The following CPM variants were observed in gnomAD, a reference collection of about 807,000 sequenced individuals.
The protein encoded by CPM is renal carboxypeptidase.
CPM carries 35 observed loss-of-function variants against 46.4 expected under a neutral mutation model. The observed-to-expected ratio is 0.75, with a 90% CI of 0.58 to 1.00. The LOEUF (loss-of-function observed/expected upper bound fraction) is 1.00, where lower values mean the gene tolerates loss of function less well. Among genes scored for constraint, CPM ranks in the 50% least tolerant of loss-of-function variants. The probability of loss-of-function intolerance (pLI) is 0.00; values close to 1 mark genes in which losing one functional copy is unlikely to be tolerated. For synonymous variants in CPM, 195 were observed against 195.3 expected (o/e 1.00, Z 0.01); for missense variants, 422 against 530.4 (o/e 0.80, Z 2.01).
intron 7 of CPM, among the ~76,000 whole-genome samples, chr12:68,860,167 T>C (rs1885146355): frequency 6.6e-6 from 1 of 152,240 alleles, no homozygotes; most frequent in African/African-American, 2.4e-5. Flanking sequence ...CCTTTTATTA[T>C]ACTTTCTGTC....
downstream of CPM, chr12:68,849,632 C>G (rs1884568265): frequency 6.6e-6 from 1 of 152,174 alleles, no homozygotes; most frequent in Non-Finnish European, 1.5e-5. Flanking sequence ...AACTCCTGAC[C>G]TTGTGATCTG....
At chr12:68,865,597 C>A (rs963943769) in intron 7 of CPM, among the ~76,000 whole-genome samples, 1 of 151,974 alleles carries the variant, frequency 6.6e-6, no homozygotes, top group Non-Finnish European at 1.5e-5. Context: ...TGCAGCAAAC[C>A]TTTTCAACAC....
At chr12:68,911,924 T>C (rs927994331) in intron 2 of CPM, 1 of 152,170 alleles carries the variant, frequency 6.6e-6, no homozygotes, top group Non-Finnish European at 1.5e-5. Context: ...CTTATTATAG[T>C]GTTACAGCTC....
Position 68,858,971 on chromosome 12 carries a change from T to G in CPM, c.1041A>C (p.Lys347Asn), listed in dbSNP as rs1321763506. The G allele has an allele frequency of 6.4e-6, 10 of 1,565,384 alleles. No individual in the cohort carries two copies. Among genetic ancestry groups the G allele is most frequent in the Non-Finnish European group, 8.7e-6 (10 of 1,154,922 alleles). The change falls in exon 8 of 9, where the codon AAA (lysine) becomes AAC (asparagine). Residue 347 changes from lysine to asparagine, a missense_variant. Lys to Asn is a moderately conservative substitution (Grantham distance 94). Transcript: ENST00000551568. The stretch of plus-strand genomic sequence containing the variant: ...AGAGAAGGAGATAATACTCTCCATA[T>G]TTGTTGGTTCTATAGGGGCAGATAT... ...RKHICPYRTN[K>N]YGEYYLLLLP... is the part of the protein sequence containing the mutation.
intron 2 of CPM, among the ~76,000 whole-genome samples, chr12:68,909,920 G>C (rs1276692770): frequency 1.3e-5 from 2 of 151,628 alleles, no homozygotes; most frequent in African/African-American, 4.9e-5. Flanking sequence ...AACCACCATG[G>C]CACATGTATA....
chr12:68,905,195 C>A (rs1385589306), intron 2 of CPM, among the ~76,000 whole-genome samples: 3 of 151,974 alleles, frequency 2.0e-5, no homozygotes, highest in African/African-American at 7.3e-5. Flanking sequence ...CAGGCGTGAA[C>A]TACCATACCC....
At chr12:68,909,921 C>T (rs1239080082) in intron 2 of CPM, among the ~76,000 whole-genome samples, 1 of 151,594 alleles carries the variant, frequency 6.6e-6, no homozygotes, top group Non-Finnish European at 1.5e-5. Flanking sequence ...ACCACCATGG[C>T]ACATGTATAC....
At chr12:68,954,027 T>G (rs1888975831) in intron 1 of CPM, among the ~76,000 whole-genome samples, 2 of 152,202 alleles carry the variant, frequency 1.3e-5, no homozygotes, top group Non-Finnish European at 2.9e-5. Flanking sequence ...CAATTGCTTT[T>G]ATTAGTTATT....
chr12:68,864,364 C>G (rs1437025751), intron 7 of CPM, among the ~76,000 whole-genome samples: 1 of 152,034 alleles, frequency 6.6e-6, no homozygotes, highest in Non-Finnish European at 1.5e-5. Flanking sequence ...ATCACATGAA[C>G]CTGGGAGGCG....
intron 2 of CPM, among the ~76,000 whole-genome samples, chr12:68,905,270 C>CT (rs1034445314): frequency 4.0e-5 from 6 of 151,278 alleles, no homozygotes; most frequent in African/African-American, 9.7e-5. Flanking sequence ...TCAGAGAAAT[C>CT]TTTTTTTTTC....
intron 2 of CPM, 69 bp downstream of exon 2, chr12:68,932,609 G>A: frequency 6.4e-7 from 1 of 1,563,752 alleles, no homozygotes; most frequent in East Asian, 2.3e-5. Context: ...CAGGAAGCTG[G>A]GGCATATTTA....
At chr12:68,895,028 C>CAAAAA (rs35142646) in intron 2 of CPM, among the ~76,000 whole-genome samples, 3 of 78,214 alleles carry the variant, frequency 3.8e-5, no homozygotes, top group African/African-American at 1.5e-4. Context: ...GACTCAGTCT[C>CAAAAA]AAAAAAAAAA....
chr12:68,934,605 C>T (rs1380731681), upstream of CPM, among the ~76,000 whole-genome samples: 1 of 152,000 alleles, frequency 6.6e-6, no homozygotes. Flanking sequence ...CATAGTATTC[C>T]GTGGTGTATA....
In CPM at chr12:68,960,471, T is replaced by C. The variant is rs549001248; in HGVS notation, c.-4+2698A>G. On this transcript the variant is annotated intron_variant, in intron 1 of 8. Transcript: ENST00000546373. The stretch of plus-strand genomic sequence containing the variant: ...GTGGATTCTAGTGTTAGTATTGCAG[T>C]GCTCTACAGCAAAATCAGTATGACC... Among the ~76,000 whole-genome samples, 81 of 152,352 alleles carry C rather than the reference T, an allele frequency of 5.3e-4. 1 individual carries two copies. Among genetic ancestry groups the C allele is most frequent in the Middle Eastern group, 3.4e-3 (1 of 294 alleles).
At chr12:68,872,055 G>A (rs1885725129) in intron 3 of CPM, 99 bp from the exon 4 acceptor site, 5 of 1,198,966 alleles carry the variant, frequency 4.2e-6, no homozygotes, top group African/African-American at 1.5e-5. Flanking sequence ...CTCTACACAT[G>A]ATATCTCAGA....
intron 1 of CPM, among the ~76,000 whole-genome samples, chr12:68,938,694 C>A (rs1251085230): frequency 1.3e-5 from 2 of 151,826 alleles, no homozygotes; most frequent in South Asian, 4.1e-4. Flanking sequence ...AAAAAGTATT[C>A]TCATACAAAT....
Position 68,896,534 on chromosome 12 carries a change from G to A in CPM, c.161-10645C>T, listed in dbSNP as rs1886883342. 2.0e-5 allele frequency among the ~76,000 whole-genome samples: 3 copies of A among 152,122 alleles called. No homozygotes were observed. The South Asian group carries it at 6.2e-4, about 31-fold the overall frequency. On this transcript the variant is annotated intron_variant, in intron 2 of 8. Transcript: ENST00000551568. ...CTCACTTGGAGTCCGAGTCACCTTTGGTCCGGGGATTAGATGAAACTGTTT... is the reference window on the plus strand; with the variant it reads ...CTCACTTGGAGTCCGAGTCACCTTTAGTCCGGGGATTAGATGAAACTGTTT...
chr12:68,874,033 T>C (rs1348174139), intron 3 of CPM, among the ~76,000 whole-genome samples: 1 of 152,050 alleles, frequency 6.6e-6, no homozygotes, highest in Non-Finnish European at 1.5e-5. Context: ...CTCGAACTCC[T>C]GACCTCAGGT....
At chr12:68,912,546 G>C (rs1214645585) in intron 2 of CPM, among the ~76,000 whole-genome samples, 3 of 152,096 alleles carry the variant, frequency 2.0e-5, no homozygotes, top group Admixed American at 2.0e-4. Context: ...GTAAAAAGAG[G>C]GAGTATAAGA....
Sources: gnomAD v4.1 joint callset for allele counts (sites outside exome capture counted in the v4.1 genomes callset) on GRCh38, gnomAD v4.1.1 for gene constraint, MANE v1.5 for transcripts, NCBI Gene and HGNC (gene_info 2026-07-23, HGNC 2026-07-21) for gene names.